The following TOX4 variants were observed in gnomAD, a reference collection of about 807,000 sequenced individuals.
The protein encoded by TOX4 is TOX high mobility group box family member 4.
A neutral mutation model predicts 61.0 loss-of-function variants in TOX4; 12 were observed. The observed-to-expected ratio is 0.20, with a 90% CI of 0.13 to 0.32. The LOEUF (loss-of-function observed/expected upper bound fraction) is 0.32. Ranked by LOEUF, TOX4 falls within the 10% of genes least tolerant of loss-of-function variation. The probability of loss-of-function intolerance (pLI) is 1.00; values close to 1 mark genes in which losing one functional copy is unlikely to be tolerated. For synonymous variants in TOX4, 268 were observed against 274.8 expected, an observed-to-expected ratio of 0.98 and a Z score of 0.24; for missense variants, 499 against 753.3, an observed-to-expected ratio of 0.66 and a Z score of 3.95.
At position 21,493,246 on chromosome 14, in the gene TOX4, G is replaced by A. The variant is rs761197618; in HGVS notation, c.1630G>A (p.Val544Ile). ...GACTATCTGTGAGATGATCACAGAT[G>A]TAGTTCCTGAGGTGAGCCTTTGTTT... ...PETICEMITD[V>I]VPEVESPSQM... is the part of the protein sequence containing the mutation. Residue 544 changes from valine (V) to isoleucine (I), a missense_variant, in exon 7 of 9, where the codon GTA becomes ATA. Val to Ile is a conservative substitution (Grantham distance 29). Transcript: ENST00000448790. The A allele has an allele frequency of 6.2e-7, 1 of 1,608,768 alleles. No homozygotes were observed. Among genetic ancestry groups the A allele is most frequent in the Admixed American group, 1.7e-5 (1 of 58,690 alleles).
chr14:21,492,087 T>C (rs1594430620), intron 5 of TOX4: 4 of 458,462 alleles, frequency 8.7e-6, no homozygotes, highest in African/African-American at 6.0e-5. Flanking sequence ...CTCCTGTCGA[T>C]TGGTTGTCTT....
intron 2 of TOX4, among the ~76,000 whole-genome samples, chr14:21,481,048 C>T (rs990114925): frequency 6.6e-6 from 1 of 152,118 alleles, no homozygotes; most frequent in East Asian, 1.9e-4. Context: ...TGAGATTGTA[C>T]CATTGCACTC....
chr14:21,483,640 C>T (rs1891145171), intron 2 of TOX4, among the ~76,000 whole-genome samples: 1 of 151,790 alleles, frequency 6.6e-6, no homozygotes, highest in South Asian at 2.1e-4. Context: ...TGGAGCCATG[C>T]ACTCAGCCTG....
At chr14:21,484,249 G>A (rs1891158618) in intron 2 of TOX4, among the ~76,000 whole-genome samples, 1 of 145,030 alleles carries the variant, frequency 6.9e-6, no homozygotes. Context: ...TTACAAATGT[G>A]ATTCAGAGAT....
rs1353853775 is a variant in TOX4, at chr14:21,485,190, C to T, written c.76-2261C>T. ...CAGCACTTTGGGAGGCCAAGGAGGG[C>T]GGATCACCTGAGGTCGGGAGTTCAA... On this transcript the variant is annotated intron_variant, in intron 2 of 8. Coordinates refer to ENST00000448790, the MANE Select transcript of TOX4 (RefSeq NM_014828.4). 5.3e-4 allele frequency among the ~76,000 whole-genome samples: 55 copies of T among 103,580 alleles called. 19 individuals are homozygous for T. Among genetic ancestry groups the T allele is most frequent in the Middle Eastern group, 4.7e-3 (1 of 214 alleles). 68.0% of individuals were successfully genotyped at this position (103,580 alleles called of 152,430 possible). A position where few individuals can be genotyped will look rare whatever the true frequency, so the allele number is the denominator to read the frequency against.
At position 21,489,816 on chromosome 14, in the gene TOX4, C is replaced by T. The variant is rs560405488; in HGVS notation, c.810+413C>T. On this transcript the variant is annotated intron_variant, in intron 5 of 8. Transcript: ENST00000448790. ...CAGGATGGTCTCGATCTCCTGACCT[C>T]GTGATCCACCCGCCTCGGCCTCCCA... Among the ~76,000 whole-genome samples the T allele has an allele frequency of 3.6e-4, 54 of 152,034 alleles. 1 individual carries two copies. Among genetic ancestry groups the T allele is most frequent in the African/African-American group, 1.1e-3 (47 of 41,554 alleles).
rs1891323053 is a variant in TOX4 at position 21,492,900 on chromosome 14, A to T, written c.1284A>T (p.Ala428=). Residue 428 remains alanine (A), a synonymous_variant, in exon 7 of 9, where the codon GCA becomes GCT. Coordinates refer to ENST00000448790, the MANE Select transcript of TOX4 (RefSeq NM_014828.4). ...CTCGGTCAGTGTTGCAGGCAGCAGC[A>T]GCTGCTGCTGCTGCTGCTTCTATGC... ...IVTRSVLQAA[A]AAAAAASMQL... is the part of the protein sequence containing the mutation. 1 of 1,605,292 alleles carries T rather than the reference A, an allele frequency of 6.2e-7. No individual in the cohort carries two copies. The highest frequency in any genetic ancestry group is 8.5e-7 in the Non-Finnish European group (1 of 1,177,754).
chr14:21,479,112 C>A (rs1891064729), intron 2 of TOX4, among the ~76,000 whole-genome samples: 1 of 144,082 alleles, frequency 6.9e-6, no homozygotes. Context: ...TGCCCAGTGC[C>A]AGTTTAACTT....
chr14:21,488,374 A>G (rs746857535), intron 3 of TOX4: 1 of 545,896 alleles, frequency 1.8e-6, no homozygotes, highest in Non-Finnish European at 3.2e-6. Flanking sequence ...GATTATTTTT[A>G]GTTCTTCTTT....
chr14:21,480,224 T>C (rs762342116), intron 2 of TOX4, among the ~76,000 whole-genome samples: 10 of 152,162 alleles, frequency 6.6e-5, no homozygotes, highest in Non-Finnish European at 1.5e-4. Context: ...ACAAGTAATA[T>C]TATAATAAAA....
At position 21,493,738 on chromosome 14, in the gene TOX4, C is replaced by CTGTTTTGTTT. The variant is rs199525596; in HGVS notation, c.1641+498_1641+507dup. ...ACAGGTGTGAGCCACTGCACCCGCC[C>CTGTTTTGTTT]TGTTTTGTTTTGTTTTGTTTTGTTT... On this transcript the variant is annotated intron_variant, in intron 7 of 8. Coordinates refer to ENST00000448790, the MANE Select transcript of TOX4 (RefSeq NM_014828.4). Among the ~76,000 whole-genome samples the CTGTTTTGTTT allele has an allele frequency of 9.0e-4, 136 of 150,492 alleles. 1 individual carries two copies. Among genetic ancestry groups the CTGTTTTGTTT allele is most frequent in the African/African-American group, 2.6e-3 (106 of 41,098 alleles).
At chr14:21,492,477 A>C in intron 6 of TOX4, 31 bp from the exon 7 acceptor site, 1 of 1,611,154 alleles carries the variant, frequency 6.2e-7, no homozygotes, top group Non-Finnish European at 8.5e-7. Context: ...GTGATTGATT[A>C]ATTGATAGAT....
intron 2 of TOX4, chr14:21,482,634 TTTTCTC>T (rs1447432658): frequency 1.1e-5 from 5 of 457,232 alleles, no homozygotes; most frequent in Non-Finnish European, 4.5e-6. Flanking sequence ...CATGTTCCTG[TTTTCTC>T]TTTCTGTGTC....
chr14:21,491,177 G>C (rs1040523122), intron 5 of TOX4, among the ~76,000 whole-genome samples: 11 of 151,912 alleles, frequency 7.2e-5, no homozygotes, highest in Middle Eastern at 3.4e-3. Flanking sequence ...AAACTTTTTA[G>C]AGCTAGCCCA....
At position 21,496,686 on chromosome 14, in the gene TOX4, C is replaced by A. The variant is rs576562984; in HGVS notation, c.*80C>A. ...GCCTGTTTTTGAAACACAAGCTGGG[C>A]TTCTGGTAGTGCCTCATCACAACCC... On this transcript the variant is annotated 3_prime_UTR_variant, in exon 9 of 9. Transcript: ENST00000448790. 3 of 1,301,080 alleles carry A rather than the reference C, an allele frequency of 2.3e-6. No individual in the cohort carries two copies. The highest frequency in any genetic ancestry group is 1.2e-5 in the South Asian group (1 of 82,698). The allele number at this position is 1,301,080 out of a possible 1,614,324, so 80.6% of individuals were successfully genotyped here. A position where few individuals can be genotyped will look rare whatever the true frequency, so the allele number is the denominator to read the frequency against.
At chr14:21,477,390 G>T (rs1297189079) in intron 1 of TOX4, 106 bp downstream of exon 1, 2 of 1,612,016 alleles carry the variant, frequency 1.2e-6, no homozygotes, top group African/African-American at 2.7e-5. Context: ...AGGAGAGAGA[G>T]CGGGGTTTGG....
intron 2 of TOX4, among the ~76,000 whole-genome samples, chr14:21,481,747 T>C (rs1407094588): frequency 2.0e-5 from 3 of 152,186 alleles, no homozygotes; most frequent in Non-Finnish European, 4.4e-5. Context: ...TACACAGATA[T>C]AAAAAATTAA....
Position 21,496,483 on chromosome 14 carries a change from T to G in TOX4, c.1806-63T>G, listed in dbSNP as rs1891405516. 12 of 1,482,844 alleles carry G rather than the reference T, an allele frequency of 8.1e-6. No homozygotes were observed. In the South Asian group the frequency reaches 1.4e-4, roughly 17 times the overall value. The allele number at this position is 1,482,844 out of a possible 1,614,324, so 91.9% of individuals were successfully genotyped here. A position where few individuals can be genotyped will look rare whatever the true frequency, so the allele number is the denominator to read the frequency against. ...TCCGTCTCAAAAAAAAAAATGTATC[T>G]AGGCTGTAATTCTATTTCAGTTTGT... On this transcript the variant is annotated intron_variant, in intron 8 of 8. Transcript: ENST00000448790.
At chr14:21,491,223 AAG>A (rs1437222316) in intron 5 of TOX4, among the ~76,000 whole-genome samples, 1 of 152,162 alleles carries the variant, frequency 6.6e-6, no homozygotes, top group Non-Finnish European at 1.5e-5. Context: ...TCAGCTCTTG[AAG>A]GGAGAAAGGT....
Sources: gnomAD v4.1 joint callset for allele counts (sites outside exome capture counted in the v4.1 genomes callset) on GRCh38, gnomAD v4.1.1 for gene constraint, MANE v1.5 for transcripts, NCBI Gene and HGNC (gene_info 2026-07-23, HGNC 2026-07-21) for gene names.